The following PRRX1 variants were observed in gnomAD, a reference collection of about 807,000 sequenced individuals.
The protein encoded by PRRX1 is paired mesoderm homeobox protein 1.
In PRRX1, 8 loss-of-function variants were observed where a neutral mutation model predicts 24.0. That is an observed-to-expected ratio of 0.33 (90% CI 0.20 to 0.60). The LOEUF is 0.60. Ranked by LOEUF, PRRX1 falls within the 20% of genes least tolerant of loss-of-function variation. PRRX1 has a pLI of 0.82. For missense variants in PRRX1, 281 were observed against 322.4 expected (o/e 0.87, Z 0.98); for synonymous variants, 160 against 131.7 (o/e 1.22, Z -1.47).
chr1:170,703,264 T>C (rs186855831), intron 1 of PRRX1, among the ~76,000 whole-genome samples: 22 of 152,352 alleles, frequency 1.4e-4, no homozygotes, highest in Admixed American at 1.3e-3. Context: ...GTCAAGTGTT[T>C]CAGAACTTGG....
chr1:170,689,262 G>A (rs1021432809), intron 1 of PRRX1, among the ~76,000 whole-genome samples: 5 of 152,038 alleles, frequency 3.3e-5, no homozygotes, highest in African/African-American at 4.8e-5. Context: ...ATAATTTAGT[G>A]AGACTCTTTC....
At position 170,735,955 on chromosome 1, in the gene PRRX1, C is replaced by G. The variant is rs1655586971; in HGVS notation, c.600-93C>G. 6 of 1,549,990 alleles carry G rather than the reference C, an allele frequency of 3.9e-6. No homozygotes were observed. In the Admixed American group the frequency reaches 6.7e-5, roughly 17 times the overall value. ...TCCAAGCCATTGCCCCTGCCTGCCCCCATGCTGAGAGTACATCCATCTGGG... is the reference window on the plus strand; with the variant it reads ...TCCAAGCCATTGCCCCTGCCTGCCCGCATGCTGAGAGTACATCCATCTGGG... On this transcript the variant is annotated intron_variant, in intron 3 of 3. Coordinates refer to ENST00000239461, the MANE Select transcript of PRRX1 (RefSeq NM_022716.4).
intron 3 of PRRX1, among the ~76,000 whole-genome samples, chr1:170,731,056 A>T (rs915367451): frequency 6.6e-6 from 1 of 152,242 alleles, no homozygotes; most frequent in African/African-American, 2.4e-5. Flanking sequence ...AAATATACGT[A>T]TTAGAAAATC....
chr1:170,734,963 T>C (rs192071669), intron 3 of PRRX1, among the ~76,000 whole-genome samples: 285 of 152,264 alleles, frequency 1.9e-3, no homozygotes, highest in South Asian at 5.4e-3. Context: ...CAAAATTCCA[T>C]TGGAATGCAG....
At position 170,664,342 on chromosome 1, in the gene PRRX1, C is replaced by T. The variant is rs1652836628; in HGVS notation, c.124C>T (p.Leu42=). The T allele has an allele frequency of 6.2e-7, 1 of 1,614,060 alleles. No individual in the cohort carries two copies. Among genetic ancestry groups the T allele is most frequent in the Non-Finnish European group, 8.5e-7 (1 of 1,179,974 alleles). The change falls in exon 1 of 4, where the codon CTG becomes TTG. Residue 42 remains leucine, a synonymous_variant. Transcript: ENST00000239461. ...CTTCTCCGTCAGTCACCTGCTAGAC[C>T]TGGAGGAAGCCGGGGACATGGTGGC... ...KNFSVSHLLD[L]EEAGDMVAAQ... is the part of the protein sequence containing the mutation.
chr1:170,675,750 G>T (rs533128715), intron 1 of PRRX1, among the ~76,000 whole-genome samples: 27 of 152,004 alleles, frequency 1.8e-4, no homozygotes, highest in Non-Finnish European at 2.9e-4. Context: ...CCAAGCAAGT[G>T]GAGATTAAAA....
intron 1 of PRRX1, among the ~76,000 whole-genome samples, chr1:170,697,342 T>C (rs1177633549): frequency 2.0e-5 from 3 of 152,208 alleles, no homozygotes; most frequent in African/African-American, 7.2e-5. Context: ...ATATTGCATG[T>C]GTAAAAGTTT....
chr1:170,731,871 T>G (rs1217478204), intron 3 of PRRX1, among the ~76,000 whole-genome samples: 1 of 152,210 alleles, frequency 6.6e-6, no homozygotes, highest in Non-Finnish European at 1.5e-5. Flanking sequence ...CATTTATTAT[T>G]AATCTCTAAT....
At chr1:170,669,425 C>CTAAAAAAAAAAAAAAAAAAAAAAAAA (rs1653063926) in intron 1 of PRRX1, 1 of 22,298 alleles carries the variant, frequency 4.5e-5, no homozygotes, top group African/African-American at 2.7e-4. Context: ...CTCCCCACTG[C>CTAAAAAAAAAAAAAAAAAAAAAAAAA]AAAAAAAAAA....
chr1:170,665,057 C>T (rs528588377), intron 1 of PRRX1, among the ~76,000 whole-genome samples: 19 of 152,332 alleles, frequency 1.2e-4, no homozygotes, highest in Non-Finnish European at 2.2e-4. Context: ...CTCTCTGCCC[C>T]CTGCTGTTGC....
At chr1:170,715,982 C>T (rs1654892300) in intron 1 of PRRX1, among the ~76,000 whole-genome samples, 2 of 152,110 alleles carry the variant, frequency 1.3e-5, no homozygotes, top group Non-Finnish European at 2.9e-5. Context: ...ATTGGGAATC[C>T]TGGTTTCTTG....
At chr1:170,667,981 C>T (rs1032222288) in intron 1 of PRRX1, 3 of 152,158 alleles carry the variant, frequency 2.0e-5, no homozygotes, top group Non-Finnish European at 4.4e-5. Context: ...CTCCCCACCC[C>T]ACTCACCATC....
intron 2 of PRRX1, among the ~76,000 whole-genome samples, chr1:170,720,456 A>C (rs1558060488): frequency 6.6e-6 from 1 of 152,202 alleles, no homozygotes; most frequent in Non-Finnish European, 1.5e-5. Context: ...GTAGGGCAGA[A>C]TAATCCTTGC....
rs111844135 is a variant in PRRX1 at position 170,685,648 on chromosome 1, A to ATTTC, written c.241+21209_241+21212dup. Among the ~76,000 whole-genome samples the ATTTC allele has an allele frequency of 9.3e-5, 14 of 150,784 alleles. No individual in the cohort carries two copies. The East Asian group carries it at 1.4e-3, about 15-fold the overall frequency. ...AAATGAAAACGGTAATGCCTGCTTGATTTCTTTCTTTCTTTCTTTCTTTTT... is the reference window on the plus strand; with the variant it reads ...AAATGAAAACGGTAATGCCTGCTTGATTTCTTTCTTTCTTTCTTTCTTTCTTTTT... On this transcript the variant is annotated intron_variant, in intron 1 of 3. Transcript: ENST00000239461.
chr1:170,696,165 T>C (rs965424955), intron 1 of PRRX1, among the ~76,000 whole-genome samples: 4 of 152,116 alleles, frequency 2.6e-5, no homozygotes, highest in African/African-American at 9.7e-5. Context: ...ACATGAAAAG[T>C]ATCCGGGCCA....
At chr1:170,707,156 T>A (rs187074135) in intron 1 of PRRX1, among the ~76,000 whole-genome samples, 1,573 of 151,000 alleles carry the variant, frequency 0.01, 31 homozygotes, top group African/African-American at 0.036. Context: ...AAAAAAAAAA[T>A]ACCTGGATGT....
chr1:170,672,303 G>A (rs1653169503), intron 1 of PRRX1, among the ~76,000 whole-genome samples: 1 of 152,198 alleles, frequency 6.6e-6, no homozygotes, highest in Non-Finnish European at 1.5e-5. Flanking sequence ...CACGGTGAGA[G>A]TAACAAACTG....
intron 1 of PRRX1, among the ~76,000 whole-genome samples, chr1:170,675,671 C>G (rs1653298385): frequency 6.6e-6 from 1 of 151,944 alleles, no homozygotes; most frequent in South Asian, 2.1e-4. Context: ...AGCATTTCAG[C>G]TTTTTTAATG....
At chr1:170,698,326 T>C (rs1654241018) in intron 1 of PRRX1, among the ~76,000 whole-genome samples, 1 of 152,168 alleles carries the variant, frequency 6.6e-6, no homozygotes, top group Non-Finnish European at 1.5e-5. Context: ...TTGAAAGAGA[T>C]TTCTTATCAT....
Sources: gnomAD v4.1 joint callset for allele counts (sites outside exome capture counted in the v4.1 genomes callset) on GRCh38, gnomAD v4.1.1 for gene constraint, MANE v1.5 for transcripts, NCBI Gene and HGNC (gene_info 2026-07-23, HGNC 2026-07-21) for gene names.